Variants in SPATA9 observed in about 807,000 individuals in gnomAD.
SPATA9 encodes spermatogenesis-associated protein 9.
In SPATA9, 27 loss-of-function variants were observed where a neutral mutation model predicts 25.5. That is an observed-to-expected ratio of 1.06 (90% CI 0.78 to 1.46). The LOEUF is 1.46. Among genes scored for constraint, SPATA9 ranks in the 40% most tolerant of loss-of-function variants. The pLI is 0.00. For missense variants in SPATA9, 282 were observed against 297.5 expected (o/e 0.95, Z 0.38); for synonymous variants, 102 against 105.7 (o/e 0.97, Z 0.21).
At chr5:95,704,220 T>G in the SPATA9 span, among the ~76,000 whole-genome samples, 3 of 152,256 alleles carry the variant, frequency 2.0e-5, no homozygotes, top group South Asian at 6.2e-4. Context: ...TGCAATATTT[T>G]TCATGTTTGT....
the SPATA9 span, among the ~76,000 whole-genome samples, chr5:95,725,546 T>A: frequency 6.6e-6 from 1 of 152,262 alleles, no homozygotes; most frequent in Non-Finnish European, 1.5e-5. Flanking sequence ...ACCTGAGAGA[T>A]TTTAGGAATG....
intron 8 of SPATA9, chr5:95,653,263 T>C (rs1336211250): frequency 1.3e-6 from 2 of 1,549,372 alleles, no homozygotes; most frequent in South Asian, 1.2e-5. Flanking sequence ...CTTGCTGTAA[T>C]AGCTATCTGG....
chr5:95,675,572 G>T lies in SPATA9; in HGVS notation c.218C>A (p.Ala73Glu), dbSNP rs779318722. The change falls in exon 3 of 5, where the codon GCA becomes GAA. Residue 73 changes from alanine (A) to glutamate (E), a missense_variant. Physicochemically the swap from Ala to Glu is moderately radical, Grantham distance 107 (BLOSUM62 -1). Coordinates refer to ENST00000274432, the MANE Select transcript of SPATA9 (RefSeq NM_031952.4). Reference protein sequence around the residue: ...MAIALAKINRATLIRGLNSIS... With the variant: ...MAIALAKINRETLIRGLNSIS... ...GCTGTTTAATCCACGAATTAATGTTGCTCGATTAATCTTAGCTAAAGCAAT... is the reference window on the plus strand; with the variant it reads ...GCTGTTTAATCCACGAATTAATGTTTCTCGATTAATCTTAGCTAAAGCAAT... The T allele has an allele frequency of 2.4e-5, 38 of 1,613,962 alleles. 2 individuals carry two copies. In the South Asian group the frequency reaches 4.0e-4, roughly 17 times the overall value.
intron 1 of SPATA9, among the ~76,000 whole-genome samples, chr5:95,694,772 T>C (rs969451612): frequency 6.6e-6 from 1 of 152,204 alleles, no homozygotes; most frequent in African/African-American, 2.4e-5. Context: ...AAGAATTATT[T>C]TGAACTGAAG....
chr5:95,675,176 A>G (rs924165447), intron 3 of SPATA9, among the ~76,000 whole-genome samples: 6 of 152,234 alleles, frequency 3.9e-5, no homozygotes, highest in African/African-American at 1.4e-4. Flanking sequence ...ATTTACATGC[A>G]TATATTTAAG....
chr5:95,662,217 A>G (rs1751333181), intron 4 of SPATA9, among the ~76,000 whole-genome samples: 1 of 152,158 alleles, frequency 6.6e-6, no homozygotes, highest in South Asian at 2.1e-4. Flanking sequence ...TTGGATACTC[A>G]TGGGGAAAAA....
At chr5:95,655,330 C>A (rs146910083), downstream of SPATA9, 1 of 152,188 alleles carries the variant, frequency 6.6e-6, no homozygotes. Flanking sequence ...CACCCACTTA[C>A]ATGTGTGAGC....
At chr5:95,714,595 A>C in the SPATA9 span, among the ~76,000 whole-genome samples, 1 of 152,150 alleles carries the variant, frequency 6.6e-6, no homozygotes, top group African/African-American at 2.4e-5. Flanking sequence ...GTGGTGGAGG[A>C]AGAAAATTTG....
the SPATA9 span, among the ~76,000 whole-genome samples, chr5:95,728,352 C>T: frequency 6.6e-6 from 1 of 152,190 alleles, no homozygotes; most frequent in Non-Finnish European, 1.5e-5. Flanking sequence ...TTTCTTTATA[C>T]CTTTGCATGT....
At chr5:95,673,372 GTGTT>G (rs993672929) in intron 3 of SPATA9, among the ~76,000 whole-genome samples, 7 of 116,882 alleles carry the variant, frequency 6.0e-5, no homozygotes, top group South Asian at 2.5e-4. Flanking sequence ...CGTTGTGTGT[GTGTT>G]TGTGTGTGTG....
Position 95,682,715 on chromosome 5 carries a change from G to A in SPATA9, c.61+79C>T, listed in dbSNP as rs1049100280. The A allele has an allele frequency of 1.1e-5, 16 of 1,504,738 alleles. No individual in the cohort carries two copies. The African/African-American group carries it at 1.5e-4, about 14-fold the overall frequency. The allele number at this position is 1,504,738 out of a possible 1,614,324, so 93.2% of individuals were successfully genotyped here. A position where few individuals can be genotyped will look rare whatever the true frequency, so the allele number is the denominator to read the frequency against. ...CTTGATCAAATTCCTAGATGACTCG[G>A]AAAGTAAAGGAACTCTAGGGGATCT... On this transcript the variant is annotated intron_variant, in intron 1 of 4. Coordinates refer to ENST00000274432, the MANE Select transcript of SPATA9 (RefSeq NM_031952.4).
chr5:95,704,135 T>C, the SPATA9 span, among the ~76,000 whole-genome samples: 1 of 152,222 alleles, frequency 6.6e-6, no homozygotes, highest in East Asian at 1.9e-4. Flanking sequence ...AGAGATCTGA[T>C]GGTTTTGACC....
chr5:95,663,739 T>C (rs1751491460), intron 4 of SPATA9, among the ~76,000 whole-genome samples: 1 of 152,148 alleles, frequency 6.6e-6, no homozygotes, highest in African/African-American at 2.4e-5. Flanking sequence ...TAATAAACTT[T>C]ATGAAAATAA....
intron 3 of SPATA9, among the ~76,000 whole-genome samples, chr5:95,669,943 G>A (rs897008999): frequency 5.9e-5 from 9 of 152,100 alleles, no homozygotes; most frequent in African/African-American, 2.2e-4. Flanking sequence ...GGAGGGGTTT[G>A]AGGAATAATT....
At chr5:95,680,066 T>C (rs1753306225) in intron 2 of SPATA9, among the ~76,000 whole-genome samples, 1 of 152,070 alleles carries the variant, frequency 6.6e-6, no homozygotes, top group Admixed American at 6.5e-5. Context: ...CCTGGCTAAT[T>C]TTTTTGTATT....
At chr5:95,701,515 T>C (rs1297189132), upstream of SPATA9, 1 of 152,098 alleles carries the variant, frequency 6.6e-6, no homozygotes. Flanking sequence ...TATATTAGTA[T>C]TGAGCTTCAT....
chr5:95,664,959 T>TA (rs1360681508), intron 3 of SPATA9, among the ~76,000 whole-genome samples: 7 of 152,226 alleles, frequency 4.6e-5, no homozygotes, highest in Admixed American at 2.0e-4. Flanking sequence ...ATTAAAGAGT[T>TA]ATAACATTGA....
intron 3 of SPATA9, among the ~76,000 whole-genome samples, chr5:95,665,012 T>C (rs1243852338): frequency 1.3e-5 from 2 of 152,262 alleles, no homozygotes; most frequent in Non-Finnish European, 2.9e-5. Flanking sequence ...GAAAATTATG[T>C]TATATCCACT....
intron 1 of SPATA9, among the ~76,000 whole-genome samples, chr5:95,691,578 G>A (rs918992766): frequency 2.0e-5 from 3 of 152,046 alleles, no homozygotes; most frequent in East Asian, 1.9e-4. Context: ...TTTTCCTTAT[G>A]CTAATCTCAG....
Sources: gnomAD v4.1 joint callset for allele counts (sites outside exome capture counted in the v4.1 genomes callset) on GRCh38, gnomAD v4.1.1 for gene constraint, MANE v1.5 for transcripts, NCBI Gene and HGNC (gene_info 2026-07-23, HGNC 2026-07-21) for gene names.